The following EHBP1 variants were observed in gnomAD, a reference collection of about 807,000 sequenced individuals.
The protein encoded by EHBP1 is EH domain-binding protein 1.
Under a neutral mutation model 144.0 loss-of-function variants are expected in EHBP1, and 55 were observed. That is an observed-to-expected ratio of 0.38 (90% CI 0.31 to 0.48). EHBP1 has a LOEUF of 0.48. Ranked by LOEUF, EHBP1 falls within the 20% of genes least tolerant of loss-of-function variation. The pLI, the probability that EHBP1 is intolerant of heterozygous loss-of-function variation, is 0.98. For missense variants in EHBP1, 1,200 were observed against 1,364.2 expected (o/e 0.88, Z 1.90); for synonymous variants, 469 against 472.7 (o/e 0.99, Z 0.10).
At chr2:62,714,105 A>G (rs540482484) in intron 2 of EHBP1, among the ~76,000 whole-genome samples, 18 of 152,328 alleles carry the variant, frequency 1.2e-4, no homozygotes, top group African/African-American at 4.3e-4. Context: ...AATAGAGAAC[A>G]AATTTTTTTC....
At chr2:62,729,514 A>ACTATAATAT (rs368926284) in intron 2 of EHBP1, among the ~76,000 whole-genome samples, 2 of 113,846 alleles carry the variant, frequency 1.8e-5, no homozygotes, top group Non-Finnish European at 3.3e-5. Flanking sequence ...AAATATAATA[A>ACTATAATAT]AATAAATAAA....
intron 10 of EHBP1, among the ~76,000 whole-genome samples, chr2:62,905,439 A>G (rs2053718660): frequency 6.6e-6 from 1 of 152,206 alleles, no homozygotes; most frequent in Non-Finnish European, 1.5e-5. Context: ...AGACCATGCA[A>G]TGCCTTTGAA....
intron 5 of EHBP1, among the ~76,000 whole-genome samples, chr2:62,777,868 A>G (rs1189739498): frequency 6.6e-6 from 1 of 152,206 alleles, no homozygotes; most frequent in African/African-American, 2.4e-5. Flanking sequence ...CAAAAAAGGC[A>G]TTCTAAGTAG....
chr2:62,867,269 C>T (rs1310832600), intron 9 of EHBP1, among the ~76,000 whole-genome samples: 1 of 152,022 alleles, frequency 6.6e-6, no homozygotes, highest in African/African-American at 2.4e-5. Context: ...CTGTTTTAAG[C>T]TTCTTATACA....
chr2:62,745,303 A>G (rs982973148), intron 2 of EHBP1, among the ~76,000 whole-genome samples: 3 of 151,840 alleles, frequency 2.0e-5, no homozygotes, highest in Non-Finnish European at 4.4e-5. Context: ...TGCAAGGTGT[A>G]TAGAGTATTA....
At chr2:62,831,473 G>T (rs570640990) in intron 7 of EHBP1, among the ~76,000 whole-genome samples, 30 of 152,274 alleles carry the variant, frequency 2.0e-4, no homozygotes, top group Middle Eastern at 3.4e-3. Context: ...GTAAAGATCT[G>T]CCTGTAAAGG....
intron 3 of EHBP1, among the ~76,000 whole-genome samples, chr2:62,753,587 TG>T (rs1323669290): frequency 6.6e-6 from 1 of 152,216 alleles, no homozygotes; most frequent in African/African-American, 2.4e-5. Flanking sequence ...GTTAATATCC[TG>T]GAGAGTGTTT....
chr2:62,690,553 A>T (rs1159084558), intron 1 of EHBP1, among the ~76,000 whole-genome samples: 1 of 152,076 alleles, frequency 6.6e-6, no homozygotes, highest in Non-Finnish European at 1.5e-5. Flanking sequence ...ACAGAGCAAG[A>T]CTCCATCTCA....
chr2:62,869,429 C>T (rs906529789), intron 9 of EHBP1, among the ~76,000 whole-genome samples: 1 of 152,070 alleles, frequency 6.6e-6, no homozygotes, highest in African/African-American at 2.4e-5. Flanking sequence ...CAAACTGTGG[C>T]ATATCCATAC....
chr2:62,794,748 A>G (rs145400070), intron 5 of EHBP1, among the ~76,000 whole-genome samples: 2 of 152,192 alleles, frequency 1.3e-5, no homozygotes, highest in African/African-American at 2.4e-5. Context: ...CTAAACAGAT[A>G]AGTCACAAAG....
Position 62,695,700 on chromosome 2 carries a change from C to T in EHBP1, c.-295-11197C>T, listed in dbSNP as rs537560522. 1.1e-4 allele frequency among the ~76,000 whole-genome samples: 16 copies of T among 152,174 alleles called. No homozygotes were observed. The South Asian group carries it at 2.9e-3, about 28-fold the overall frequency. On this transcript the variant is annotated intron_variant, in intron 1 of 22. Transcript: ENST00000405015. The stretch of plus-strand genomic sequence containing the variant: ...TTCGATCTAAAACTACAATTATACA[C>T]GTTTAATCCTTATTATTTTTATTTA...
intron 2 of EHBP1, among the ~76,000 whole-genome samples, chr2:62,713,702 A>C (rs942874602): frequency 6.6e-6 from 1 of 152,204 alleles, no homozygotes; most frequent in African/African-American, 2.4e-5. Context: ...AGTTATGTGA[A>C]TCTTGAACAT....
intron 7 of EHBP1, among the ~76,000 whole-genome samples, chr2:62,854,266 A>G (rs2048874642): frequency 6.6e-6 from 1 of 152,232 alleles, no homozygotes; most frequent in Admixed American, 6.5e-5. Context: ...CTTTCTCTGC[A>G]TCAGCAATAA....
At chr2:62,740,689 C>T (rs556325103) in intron 2 of EHBP1, among the ~76,000 whole-genome samples, 84 of 152,034 alleles carry the variant, frequency 5.5e-4, no homozygotes, top group Non-Finnish European at 6.5e-4. Context: ...TTAAGCATAT[C>T]CTGGATTCTG....
rs138860666 is a variant in EHBP1, at chr2:62,731,214, A to G, written c.105-16181A>G. Reference sequence around the variant, plus strand: ...TTCCAATTCCAATTGGTAAATTCCAATTGTTCATTGCTGATGTATAAAAGG... The same window carrying G: ...TTCCAATTCCAATTGGTAAATTCCAGTTGTTCATTGCTGATGTATAAAAGG... On this transcript the variant is annotated intron_variant, in intron 2 of 22. Transcript: ENST00000431489. Among the ~76,000 whole-genome samples, 414 of 152,112 alleles carry G rather than the reference A, an allele frequency of 2.7e-3. 1 individual carries two copies. The highest frequency in any genetic ancestry group is 9.2e-3 in the African/African-American group (383 of 41,496).
At chr2:62,955,871 G>T in intron 14 of EHBP1, 1 of 408,998 alleles carries the variant, frequency 2.4e-6, no homozygotes, top group Non-Finnish European at 4.3e-6. Flanking sequence ...ATGAGGAAAA[G>T]TAAGATCTGG....
chr2:62,836,061 A>G (rs1426204709), intron 7 of EHBP1, among the ~76,000 whole-genome samples: 1 of 152,120 alleles, frequency 6.6e-6, no homozygotes, highest in Non-Finnish European at 1.5e-5. Flanking sequence ...ACAAAAAGAC[A>G]GCAGTATCCT....
chr2:62,796,826 C>CTT (rs113168998), intron 5 of EHBP1, among the ~76,000 whole-genome samples: 2 of 139,884 alleles, frequency 1.4e-5, no homozygotes, highest in Admixed American at 7.1e-5. Flanking sequence ...TGACTTCTGA[C>CTT]TTTTTTTTTT....
intron 10 of EHBP1, among the ~76,000 whole-genome samples, chr2:62,909,403 G>A (rs2054032380): frequency 6.6e-6 from 1 of 152,128 alleles, no homozygotes; most frequent in South Asian, 2.1e-4. Context: ...GGCTGGTCTC[G>A]AACTTCTAGA....
Sources: allele counts gnomAD v4.1 joint callset (sites outside exome capture counted in the v4.1 genomes callset), GRCh38; gene constraint gnomAD v4.1.1; transcripts MANE v1.5; gene names NCBI Gene and HGNC (gene_info 2026-07-23, HGNC 2026-07-21).